The following JARID2 variants were observed in gnomAD, a reference collection of about 807,000 sequenced individuals.
JARID2 encodes the protein protein Jumonji.
Under a neutral mutation model 125.6 loss-of-function variants are expected in JARID2, and 21 were observed. That is an observed-to-expected ratio of 0.17 (90% CI 0.12 to 0.24). The LOEUF (loss-of-function observed/expected upper bound fraction) is 0.24. JARID2 is among the 10% of genes least tolerant of loss of function. The pLI is 1.00. For synonymous variants in JARID2, 736 were observed against 661.6 expected (o/e 1.11, Z -1.73); for missense variants, 1,303 against 1,639.6 (o/e 0.79, Z 3.55).
intron 1 of JARID2, among the ~76,000 whole-genome samples, chr6:15,363,137 G>C (rs956662972): frequency 3.9e-5 from 6 of 152,124 alleles, no homozygotes; most frequent in Non-Finnish European, 7.4e-5. Flanking sequence ...GAAAACCAGG[G>C]GAGAGTCCAG....
chr6:15,502,878 G>A lies in JARID2; in HGVS notation c.2448+1469G>A, dbSNP rs1770809439. The stretch of plus-strand genomic sequence containing the variant: ...TGACCCAGAGACTGTAAGCTCTGAG[G>A]AACTTTATTTGGTGTTTCCTGAATG... On this transcript the variant is annotated intron_variant, in intron 8 of 17. Coordinates refer to ENST00000341776, the MANE Select transcript of JARID2 (RefSeq NM_004973.4). Among the ~76,000 whole-genome samples the A allele has an allele frequency of 2.0e-5, 3 of 152,196 alleles. 1 individual carries two copies. The South Asian group carries it at 6.2e-4, about 32-fold the overall frequency.
intron 1 of JARID2, among the ~76,000 whole-genome samples, chr6:15,273,523 G>T (rs931366752): frequency 6.6e-6 from 1 of 152,210 alleles, no homozygotes; most frequent in African/African-American, 2.4e-5. Context: ...CCAACATGGA[G>T]AAACCCCATC....
At position 15,353,690 on chromosome 6, in the gene JARID2, C is replaced by A. The variant is rs533914536; in HGVS notation, c.46-20427C>A. Among the ~76,000 whole-genome samples the A allele has an allele frequency of 8.5e-5, 13 of 152,172 alleles. No individual in the cohort carries two copies. The South Asian group carries it at 2.7e-3, about 32-fold the overall frequency. ...TGAGAACTCAGAACAATTGTAAACC[C>A]CTTCAACCAATACTCTACTCCTTCT... On this transcript the variant is annotated intron_variant, in intron 1 of 17. Transcript: ENST00000341776.
chr6:15,512,906 C>T lies in JARID2; in HGVS notation c.3136-9C>T. The T allele has an allele frequency of 1.9e-6, 3 of 1,613,570 alleles. No individual in the cohort carries two copies. Among genetic ancestry groups the T allele is most frequent in the East Asian group, 2.2e-5 (1 of 44,840 alleles). On this transcript the variant is annotated splice_polypyrimidine_tract_variant and intron_variant, in intron 14 of 17. Coordinates refer to ENST00000341776, the MANE Select transcript of JARID2 (RefSeq NM_004973.4). ...AATCCACCCTAAAGGGATGTGACTC[C>T]TCTTTCAGGAAATGAAGCGTCGCCA... is the stretch of plus-strand genomic sequence containing the variant.
chr6:15,272,980 A>T (rs779690240), intron 1 of JARID2, among the ~76,000 whole-genome samples: 18 of 151,930 alleles, frequency 1.2e-4, no homozygotes, highest in Non-Finnish European at 2.5e-4. Context: ...TTCTTCCTGG[A>T]GTTAGGTTAA....
At chr6:15,345,565 A>T (rs1763217681) in intron 1 of JARID2, among the ~76,000 whole-genome samples, 1 of 152,208 alleles carries the variant, frequency 6.6e-6, no homozygotes, top group African/African-American at 2.4e-5. Context: ...TTTCAACTAA[A>T]ATTCAGTTCA....
chr6:15,505,688 G>A (rs1770970715), intron 9 of JARID2, among the ~76,000 whole-genome samples: 1 of 152,278 alleles, frequency 6.6e-6, no homozygotes, highest in Non-Finnish European at 1.5e-5. Context: ...TGCCTACACT[G>A]TGTACCCTGG....
intron 3 of JARID2, among the ~76,000 whole-genome samples, chr6:15,445,051 T>C (rs1164338362): frequency 6.6e-6 from 1 of 152,050 alleles, no homozygotes; most frequent in Admixed American, 6.5e-5. Context: ...AACCTGGAAA[T>C]TGCTGTTGTG....
intron 5 of JARID2, among the ~76,000 whole-genome samples, chr6:15,469,343 CTCTCTCTCTCTCTCTCTCCTCCCCT>C (rs2127678398): frequency 6.4e-5 from 1 of 15,704 alleles, no homozygotes; most frequent in Non-Finnish European, 1.1e-4. Flanking sequence ...TCTCCTGTCT[CTCTCTCTCTCTCTCTCTCCTCCCCT>C]TCTCCCCCTC....
intron 5 of JARID2, among the ~76,000 whole-genome samples, chr6:15,475,986 C>T (rs1338448209): frequency 6.6e-6 from 1 of 152,124 alleles, no homozygotes; most frequent in African/African-American, 2.4e-5. Context: ...GGAGAGCAAG[C>T]TGGTTGTTTT....
chr6:15,269,702 T>C (rs1760224858), intron 1 of JARID2, among the ~76,000 whole-genome samples: 1 of 152,022 alleles, frequency 6.6e-6, no homozygotes, highest in Non-Finnish European at 1.5e-5. Context: ...CCACCTTGCC[T>C]GGCCCAGTTT....
At chr6:15,366,129 G>C (rs188205361) in intron 1 of JARID2, among the ~76,000 whole-genome samples, 141 of 152,204 alleles carry the variant, frequency 9.3e-4, no homozygotes, top group African/African-American at 3.1e-3. Flanking sequence ...TTCTCTCAAA[G>C]TGTTGCTGGA....
intron 1 of JARID2, among the ~76,000 whole-genome samples, chr6:15,292,042 A>G (rs577612047): frequency 6.6e-6 from 1 of 151,380 alleles, no homozygotes; most frequent in African/African-American, 2.4e-5. Context: ...TTTTTTTTTG[A>G]GTCTTGCTCT....
At chr6:15,382,096 C>T (rs994898962) in intron 2 of JARID2, among the ~76,000 whole-genome samples, 21 of 152,174 alleles carry the variant, frequency 1.4e-4, no homozygotes, top group Non-Finnish European at 2.5e-4. Flanking sequence ...AACCCCGTCT[C>T]CACTAAAAAT....
intron 4 of JARID2, among the ~76,000 whole-genome samples, chr6:15,466,391 T>G (rs534183000): frequency 2.0e-5 from 3 of 152,362 alleles, no homozygotes; most frequent in African/African-American, 7.2e-5. Context: ...ATAGGAAGGT[T>G]GTTCTTTAAA....
intron 1 of JARID2, among the ~76,000 whole-genome samples, chr6:15,264,453 G>A (rs769981775): frequency 2.6e-5 from 4 of 152,042 alleles, no homozygotes; most frequent in African/African-American, 4.8e-5. Flanking sequence ...AGTTTTTCTG[G>A]TATGGTTTTC....
intron 3 of JARID2, among the ~76,000 whole-genome samples, chr6:15,443,588 A>G (rs773480472): frequency 2.0e-5 from 3 of 152,198 alleles, no homozygotes; most frequent in Non-Finnish European, 4.4e-5. Flanking sequence ...ATCTTTAGCA[A>G]TACTGACAGT....
intron 5 of JARID2, among the ~76,000 whole-genome samples, chr6:15,486,913 A>G (rs972395117): frequency 2.0e-5 from 3 of 149,396 alleles, no homozygotes; most frequent in African/African-American, 7.5e-5. Context: ...CACTGCTATA[A>G]AGATACTACC....
At chr6:15,286,932 C>A (rs185474214) in intron 1 of JARID2, among the ~76,000 whole-genome samples, 1 of 150,270 alleles carries the variant, frequency 6.7e-6, no homozygotes, top group Admixed American at 6.7e-5. Context: ...ACTGCTGCCT[C>A]TTTCCCATTG....
Sources: gnomAD v4.1 joint callset for allele counts (sites outside exome capture counted in the v4.1 genomes callset) on GRCh38, gnomAD v4.1.1 for gene constraint, MANE v1.5 for transcripts, NCBI Gene and HGNC (gene_info 2026-07-23, HGNC 2026-07-21) for gene names.